Variants in PRRC2B observed in about 807,000 individuals in gnomAD.
PRRC2B encodes proline rich coiled-coil 2B.
A neutral mutation model predicts 242.3 loss-of-function variants in PRRC2B; 68 were observed. The ratio of observed to expected loss-of-function variants is 0.28; its 90% CI spans 0.23 to 0.34. The LOEUF is 0.34. Ranked by LOEUF, PRRC2B falls within the 10% of genes least tolerant of loss-of-function variation. The pLI is 1.00. For synonymous variants in PRRC2B, 1,228 were observed against 1,173.6 expected (o/e 1.05, Z -0.95); for missense variants, 2,835 against 2,954.8 (o/e 0.96, Z 0.94).
chr9:131,430,388 A>G, intron 2 of PRRC2B, 129 bp downstream of exon 2: 1 of 574,124 alleles, frequency 1.7e-6, no homozygotes, highest in Non-Finnish European at 3.1e-6. Context: ...TGCATGTAGA[A>G]TCACTCTCTA....
At chr9:131,398,681 A>G (rs1021912662) in intron 1 of PRRC2B, among the ~76,000 whole-genome samples, 1 of 152,150 alleles carries the variant, frequency 6.6e-6, no homozygotes, top group Non-Finnish European at 1.5e-5. Context: ...AGGCCCTTTA[A>G]ATACATTTTT....
At chr9:131,478,071 G>T (rs1053314760) in intron 17 of PRRC2B, 122 bp downstream of exon 17, 4 of 819,700 alleles carry the variant, frequency 4.9e-6, no homozygotes, top group African/African-American at 3.4e-5. Context: ...GCTCGGCCAG[G>T]CCCTGGGCTG....
chr9:131,448,822 G>C (rs1485759580), intron 9 of PRRC2B, among the ~76,000 whole-genome samples: 1 of 151,884 alleles, frequency 6.6e-6, no homozygotes, highest in East Asian at 1.9e-4. Flanking sequence ...TTAAATTATA[G>C]TGAAAGGTAC....
chr9:131,436,667 G>GTTTGCAGAAATCTGTCTCCAA lies in PRRC2B; in HGVS notation c.352_372dup (p.Ser118_Lys124dup), dbSNP rs778275797. 1 of 1,614,062 alleles carries GTTTGCAGAAATCTGTCTCCAA rather than the reference G, an allele frequency of 6.2e-7. No individual in the cohort carries two copies. The highest frequency in any genetic ancestry group is 2.2e-5 in the East Asian group (1 of 44,884). ...CCGCCGGAGTCGCTGCCGCAGCCGGGTTTGCAGAAATCTGTCTCCAATTTG... is the reference window on the plus strand; with the variant it reads ...CCGCCGGAGTCGCTGCCGCAGCCGGGTTTGCAGAAATCTGTCTCCAATTTGCAGAAATCTGTCTCCAATTTG... On this transcript the variant is annotated inframe_insertion, in exon 4 of 32. Coordinates refer to ENST00000683519, the MANE Select transcript of PRRC2B (RefSeq NM_013318.4).
At chr9:131,443,118 TTTA>T (rs1349091971) in intron 5 of PRRC2B, among the ~76,000 whole-genome samples, 16 of 130,922 alleles carry the variant, frequency 1.2e-4, no homozygotes, top group African/African-American at 4.2e-4. Context: ...TTTTATTTAT[TTTA>T]TTTTATTTTA....
rs1564278457 is a variant in PRRC2B at position 131,420,453 on chromosome 9, T to TTTCTTTCTTTCTTTC, written c.-51-9639_-51-9638insCTTTCTTTCTTTCTT. Among the ~76,000 whole-genome samples, 442 of 61,042 alleles carry TTTCTTTCTTTCTTTC rather than the reference T, an allele frequency of 7.2e-3. 72 individuals carry two copies. The highest frequency in any genetic ancestry group is 0.025 in the Admixed American group (115 of 4,680). 40.0% of individuals were successfully genotyped at this position (61,042 alleles called of 152,430 possible). On this transcript the variant is annotated intron_variant, in intron 1 of 31. Coordinates refer to ENST00000683519, the MANE Select transcript of PRRC2B (RefSeq NM_013318.4). ...TTTTCTTTTTTCTTTTTCTTTTTCT[T>TTTCTTTCTTTCTTTC]TTTCTTTCTTTCTTTCTTTCTTTCT...
At chr9:131,451,720 G>GT (rs1942925949) in intron 9 of PRRC2B, among the ~76,000 whole-genome samples, 1 of 152,160 alleles carries the variant, frequency 6.6e-6, no homozygotes. Context: ...TGTTTATCAG[G>GT]TTGAGGATGT....
intron 30 of PRRC2B, among the ~76,000 whole-genome samples, chr9:131,493,808 G>C (rs943983813): frequency 6.6e-6 from 1 of 152,194 alleles, no homozygotes; most frequent in African/African-American, 2.4e-5. Context: ...CAGGCTGAGC[G>C]GGCCTAGGTT....
At chr9:131,488,303 G>T (rs2131475325) in intron 28 of PRRC2B, among the ~76,000 whole-genome samples, 1 of 144,300 alleles carries the variant, frequency 6.9e-6, no homozygotes, top group East Asian at 2.0e-4. Context: ...TCGCTCTGTT[G>T]CCTAGGCTGG....
At chr9:131,434,904 A>G (rs72772606) in intron 3 of PRRC2B, among the ~76,000 whole-genome samples, 1,533 of 152,272 alleles carry the variant, frequency 0.01, 23 homozygotes, top group Non-Finnish European at 0.013. Context: ...CAGCCTGGCA[A>G]TCATTTAAAC....
chr9:131,423,618 G>T (rs1384059475), intron 1 of PRRC2B, among the ~76,000 whole-genome samples: 1 of 152,234 alleles, frequency 6.6e-6, no homozygotes, highest in Admixed American at 6.5e-5. Flanking sequence ...CCTGACTGCC[G>T]TAAAGCAGGT....
rs1044888924 is a variant in PRRC2B at position 131,479,485 on chromosome 9, G to A, written c.4900+92G>A. Reference sequence around the variant, plus strand: ...GGGGAGGATCCTGCTTTTGAGCTACGAATATAGATGGAATACAGATGGAGT... The same window carrying A: ...GGGGAGGATCCTGCTTTTGAGCTACAAATATAGATGGAATACAGATGGAGT... On this transcript the variant is annotated intron_variant, in intron 19 of 31. Transcript: ENST00000683519. 2.4e-5 allele frequency: 29 copies of A among 1,232,972 alleles called. No homozygotes were observed. The Admixed American group carries it at 3.3e-4, about 14-fold the overall frequency. The allele number at this position is 1,232,972 out of a possible 1,614,324, so 76.4% of individuals were successfully genotyped here.
Position 131,459,308 on chromosome 9 carries a change from G to A in PRRC2B, c.1356G>A (p.Gln452=), listed in dbSNP as rs1943174553. The A allele has an allele frequency of 6.2e-7, 1 of 1,613,878 alleles. No individual in the cohort carries two copies. Among genetic ancestry groups the A allele is most frequent in the African/African-American group, 1.3e-5 (1 of 75,022 alleles). ...TGGTCCGAAAGGCGCCAGACCCTCA[G>A]CCACCGCCCAGGAAGCTTCATGGCT... ...SRVVRKAPDP[Q]PPPRKLHGWA... Residue 452 remains glutamine, a synonymous_variant, in exon 11 of 32, where the codon CAG becomes CAA. Transcript: ENST00000683519.
intron 1 of PRRC2B, among the ~76,000 whole-genome samples, chr9:131,414,328 C>T (rs1028656791): frequency 6.8e-6 from 1 of 146,568 alleles, no homozygotes; most frequent in South Asian, 2.2e-4. Context: ...CATAGGATAT[C>T]TTCATGATTT....
intron 3 of PRRC2B, 146 bp from the exon 4 acceptor site, chr9:131,436,474 G>C (rs1457282724): frequency 1.7e-6 from 1 of 577,524 alleles, no homozygotes; most frequent in African/African-American, 1.9e-5. Context: ...GCCAGCATAA[G>C]AATCTACTGG....
intron 1 of PRRC2B, among the ~76,000 whole-genome samples, chr9:131,424,084 C>T (rs1429030981): frequency 6.6e-6 from 1 of 152,166 alleles, no homozygotes; most frequent in Non-Finnish European, 1.5e-5. Context: ...TACAGGCGTG[C>T]ATCACCACGC....
chr9:131,395,972 A>G (rs902986448), intron 1 of PRRC2B, among the ~76,000 whole-genome samples: 1 of 152,200 alleles, frequency 6.6e-6, no homozygotes, highest in Non-Finnish European at 1.5e-5. Flanking sequence ...TAATCATCTG[A>G]GAGTGAGTTT....
rs533611596 is a variant in PRRC2B at position 131,374,058 on chromosome 9, CAAAA to C, written c.-56+343_-56+346del. Among the ~76,000 whole-genome samples the C allele has an allele frequency of 3.4e-5, 3 of 87,932 alleles. No individual in the cohort carries two copies. In the South Asian group the frequency reaches 1.2e-3, roughly 34 times the overall value. The allele number at this position is 87,932 out of a possible 152,430, so 57.7% of individuals were successfully genotyped here. On this transcript the variant is annotated intron_variant, in intron 1 of 1. Transcript: ENST00000682525. ...TGGGCGACAGAGCGAGACTCCGTCT[CAAAA>C]AAAAAAAAAAAAAAATCGCTCGTCT...
intron 23 of PRRC2B, 75 bp downstream of exon 23, chr9:131,483,520 T>C: frequency 7.5e-7 from 1 of 1,327,384 alleles, no homozygotes; most frequent in Non-Finnish European, 1.1e-6. Flanking sequence ...AGACAGCACA[T>C]GTATTTCAGG....
Sources: gnomAD v4.1 joint callset for allele counts (sites outside exome capture counted in the v4.1 genomes callset) on GRCh38, gnomAD v4.1.1 for gene constraint, MANE v1.5 for transcripts, NCBI Gene and HGNC (gene_info 2026-07-23, HGNC 2026-07-21) for gene names.